ADAMTS13: variants seen among roughly 807,000 people sequenced by gnomAD.
ADAMTS13 encodes the protein A disintegrin and metalloproteinase with thrombospondin motifs 13.
A neutral mutation model predicts 155.1 loss-of-function variants in ADAMTS13; 110 were observed. The ratio of observed to expected loss-of-function variants is 0.71; its 90% CI spans 0.61 to 0.83. The LOEUF is 0.83. Among genes scored for constraint, ADAMTS13 ranks in the 40% least tolerant of loss-of-function variants. The pLI, the probability that ADAMTS13 is intolerant of heterozygous loss-of-function variation, is 0.00. For missense variants in ADAMTS13, 1,707 were observed against 1,891.7 expected, an observed-to-expected ratio of 0.90 and a Z score of 1.81; for synonymous variants, 758 against 756.4, an observed-to-expected ratio of 1.00 and a Z score of -0.03.
In ADAMTS13 at chr9:133,444,854, C is replaced by T; in HGVS notation, c.2421-9C>T. 1.2e-6 allele frequency: 2 copies of T among 1,612,634 alleles called. No homozygotes were observed. Among genetic ancestry groups the T allele is most frequent in the Non-Finnish European group, 1.7e-6 (2 of 1,179,962 alleles). ...GCAGGGCCTGATGACTGTCTCATGC[C>T]ATCCTCAGGTGGGAGGTGTCAGAGC... On this transcript the variant is annotated splice_polypyrimidine_tract_variant and intron_variant, in intron 19 of 28. Coordinates refer to ENST00000355699, the MANE Select transcript of ADAMTS13 (RefSeq NM_139027.6).
Position 133,456,816 on chromosome 9 carries a change from G to A in ADAMTS13, c.3724+97G>A, listed in dbSNP as rs935801069. On this transcript the variant is annotated intron_variant, in intron 27 of 28. Transcript: ENST00000355699. This position sits in a 1 kb window ranked among gnomAD's most constrained non-coding sequence, Gnocchi z 4.4. Reference sequence around the variant, plus strand: ...GGATGGGGCCAGTCCCAGTGGGGCAGTGGGAAGATACGGAGGGAACTGACT... The same window carrying A: ...GGATGGGGCCAGTCCCAGTGGGGCAATGGGAAGATACGGAGGGAACTGACT... The A allele has an allele frequency of 2.0e-5, 29 of 1,429,048 alleles. No homozygotes were observed. Among genetic ancestry groups the A allele is most frequent in the East Asian group, 2.0e-4 (8 of 40,374 alleles). 88.5% of individuals were successfully genotyped at this position (1,429,048 alleles called of 1,614,324 possible).
chr9:133,425,530 G>A lies in ADAMTS13; in HGVS notation c.332G>A (p.Gly111Glu). ...CCTCTCTCATCTGCCCTTGCACAGG[G>A]GGCAGAACTGCTTCGGGACCCGTCC... is the stretch of plus-strand genomic sequence containing the variant. ...ERYVLTNLNI[G>E]AELLRDPSLG... The change falls in exon 4 of 29, where the codon GGG becomes GAG. Residue 111 changes from glycine (G) to glutamate (E), a missense_variant and splice_region_variant. Transcript: ENST00000355699. This position sits in a 1 kb window ranked among gnomAD's most constrained non-coding sequence, Gnocchi z 4.6. 1 of 1,613,014 alleles carries A rather than the reference G, an allele frequency of 6.2e-7. No homozygotes were observed. Among genetic ancestry groups the A allele is most frequent in the South Asian group, 1.1e-5 (1 of 90,878 alleles).
At position 133,442,810 on chromosome 9, in the gene ADAMTS13, G is replaced by A. The variant is rs587595333; in HGVS notation, c.2234+67G>A. 4.5e-6 allele frequency: 7 copies of A among 1,538,672 alleles called. No individual in the cohort carries two copies. In the East Asian group the frequency reaches 9.6e-5, roughly 21 times the overall value. On this transcript the variant is annotated intron_variant, in intron 18 of 28. Transcript: ENST00000355699. ...GGTTCCGCTGGGGCTGCTGGGCTCTGTCCCTGGCCTATGGGGCCCATGTGG... is the reference window on the plus strand; with the variant it reads ...GGTTCCGCTGGGGCTGCTGGGCTCTATCCCTGGCCTATGGGGCCCATGTGG...
chr9:133,447,935 C>T (rs1240797935), intron 21 of ADAMTS13, among the ~76,000 whole-genome samples: 1 of 151,982 alleles, frequency 6.6e-6, no homozygotes, highest in Non-Finnish European at 1.5e-5. Flanking sequence ...AGAAAACTGG[C>T]CCTAATAACA....
At chr9:133,444,775 C>G (rs1031283261) in intron 19 of ADAMTS13, 88 bp from the exon 20 acceptor site, 84 of 1,374,188 alleles carry the variant, frequency 6.1e-5, no homozygotes, top group African/African-American at 1.4e-5. Context: ...GGGAGCAGGT[C>G]CCCTTCCTCC....
chr9:133,436,777 CA>C, intron 11 of ADAMTS13, 51 bp from the exon 12 acceptor site: 1 of 527,454 alleles, frequency 1.9e-6, no homozygotes, highest in Non-Finnish European at 3.5e-6. Flanking sequence ...CCAGTGACAA[CA>C]CCCGCCCCCC....
intron 25 of ADAMTS13, chr9:133,455,641 C>T: frequency 6.3e-7 from 1 of 1,595,664 alleles, no homozygotes; most frequent in South Asian, 1.1e-5. Context: ...GCAGCTGCTG[C>T]AGGAGGGGTG....
intron 21 of ADAMTS13, among the ~76,000 whole-genome samples, chr9:133,446,262 C>T (rs1554792604): frequency 6.6e-6 from 1 of 152,138 alleles, no homozygotes; most frequent in Non-Finnish European, 1.5e-5. Flanking sequence ...CATTGTTGTG[C>T]GGCCATCACC....
At position 133,438,910 on chromosome 9, in the gene ADAMTS13, C is replaced by CAAA. The variant is rs34233340; in HGVS notation, c.1706-440_1706-438dup. Among the ~76,000 whole-genome samples, 368 of 111,172 alleles carry CAAA rather than the reference C, an allele frequency of 3.3e-3. 7 individuals are homozygous for CAAA. The highest frequency in any genetic ancestry group is 0.023 in the East Asian group (72 of 3,196). The allele number at this position is 111,172 out of a possible 152,430, so 72.9% of individuals were successfully genotyped here. A position where few individuals can be genotyped will look rare whatever the true frequency, so the allele number is the denominator to read the frequency against. On this transcript the variant is annotated intron_variant, in intron 14 of 28. Transcript: ENST00000355699. ...CGGGCAACAGAGTGAGACACTGTCTCAAAAAAAAAAAAAAAAAAGTATGGA... is the reference window on the plus strand; with the variant it reads ...CGGGCAACAGAGTGAGACACTGTCTCAAAAAAAAAAAAAAAAAAAAAGTATGGA...
chr9:133,431,315 A>G (rs1554787378), intron 8 of ADAMTS13, among the ~76,000 whole-genome samples: 1 of 147,974 alleles, frequency 6.8e-6, no homozygotes, highest in East Asian at 2.0e-4. Flanking sequence ...TTTGACCTGG[A>G]AGTTCATTTT....
intron 24 of ADAMTS13, among the ~76,000 whole-genome samples, chr9:133,454,836 A>T (rs1165690794): frequency 6.6e-6 from 1 of 152,034 alleles, no homozygotes; most frequent in Non-Finnish European, 1.5e-5. Context: ...AGGTTTGGGG[A>T]CGCTGGAAGA....
At chr9:133,449,167 T>C (rs1842266962) in intron 22 of ADAMTS13, among the ~76,000 whole-genome samples, 2 of 152,174 alleles carry the variant, frequency 1.3e-5, no homozygotes, top group Non-Finnish European at 2.9e-5. Context: ...ATGCAACGCG[T>C]GTAAAGTACA....
intron 25 of ADAMTS13, chr9:133,455,738 C>G (rs2130944492): frequency 8.2e-7 from 1 of 1,226,530 alleles, no homozygotes; most frequent in Admixed American, 1.9e-5. Flanking sequence ...AGGGCTGGCC[C>G]TCTTTCTCCC....
At chr9:133,455,775 A>G (rs1275822043) in intron 25 of ADAMTS13, 3 of 945,444 alleles carry the variant, frequency 3.2e-6, no homozygotes, top group African/African-American at 1.6e-5. Flanking sequence ...CCCTTTTACT[A>G]CTATCAAGGG....
chr9:133,429,803 G>A (rs921828337), intron 7 of ADAMTS13, 136 bp from the exon 8 acceptor site: 13 of 1,205,078 alleles, frequency 1.1e-5, no homozygotes, highest in Non-Finnish European at 1.5e-5. Context: ...TGGGGGGCGC[G>A]GGCCGAGAAC....
rs1554797253 is a variant in ADAMTS13 at position 133,459,278 on chromosome 9, T to C, written c.*98T>C. 1.6e-6 allele frequency: 2 copies of C among 1,217,506 alleles called. No individual in the cohort carries two copies. The highest frequency in any genetic ancestry group is 4.0e-5 in the Admixed American group (2 of 50,604). 75.4% of individuals were successfully genotyped at this position (1,217,506 alleles called of 1,614,324 possible). A position where few individuals can be genotyped will look rare whatever the true frequency, so the allele number is the denominator to read the frequency against. On this transcript the variant is annotated 3_prime_UTR_variant, in exon 29 of 29. Coordinates refer to ENST00000355699, the MANE Select transcript of ADAMTS13 (RefSeq NM_139027.6). ...CGAACTTTTTCCAATCTTAGGTATC[T>C]ACTTTAGAGTCTTCTCCAATGTCCA...
Position 133,424,947 on chromosome 9 carries a change from C to T in ADAMTS13, c.330+469C>T, listed in dbSNP as rs1039848288. ...GATGCCCACCTTCATTTCTTGCTAG[C>T]ACCTGAATCCCTGCAGCCCCCCTTC... On this transcript the variant is annotated intron_variant, in intron 3 of 28. Coordinates refer to ENST00000355699, the MANE Select transcript of ADAMTS13 (RefSeq NM_139027.6). This position sits in a 1 kb window ranked among gnomAD's most constrained non-coding sequence, Gnocchi z 4.3. 2.0e-5 allele frequency among the ~76,000 whole-genome samples: 3 copies of T among 152,194 alleles called. No individual in the cohort carries two copies. Among genetic ancestry groups the T allele is most frequent in the African/African-American group, 4.8e-5 (2 of 41,444 alleles).
chr9:133,417,906 C>G, upstream of ADAMTS13: 1 of 1,503,834 alleles, frequency 6.6e-7, no homozygotes, highest in Non-Finnish European at 8.9e-7. Flanking sequence ...CCGGGCCCGG[C>G]GCCCTGGCAG....
intron 23 of ADAMTS13, among the ~76,000 whole-genome samples, chr9:133,453,901 A>G (rs36222574): frequency 3.0e-4 from 46 of 152,224 alleles, no homozygotes; most frequent in African/African-American, 1.1e-3. Flanking sequence ...GGGGGAGCAC[A>G]GTATTGCGAT....
Sources: gnomAD v4.1 joint callset for allele counts (sites outside exome capture counted in the v4.1 genomes callset) on GRCh38, gnomAD v4.1.1 for gene constraint, Gnocchi (gnomAD v3.1) non-coding constraint, MANE v1.5 for transcripts, NCBI Gene and HGNC (gene_info 2026-07-23, HGNC 2026-07-21) for gene names.